Variants in CDKAL1 observed in about 807,000 individuals in gnomAD.
CDKAL1 encodes the protein CDKAL1 threonylcarbamoyladenosine tRNA methylthiotransferase, also known as threonylcarbamoyladenosine tRNA methylthiotransferase.
CDKAL1 carries 32 observed loss-of-function variants against 68.2 expected under a neutral mutation model. That is an observed-to-expected ratio of 0.47 (90% CI 0.35 to 0.63). The LOEUF (loss-of-function observed/expected upper bound fraction) is 0.63. Ranked by LOEUF, CDKAL1 falls within the 30% of genes least tolerant of loss-of-function variation. The pLI is 0.00. For synonymous variants in CDKAL1, 234 were observed against 244.3 expected (o/e 0.96, Z 0.39); for missense variants, 606 against 696.7 (o/e 0.87, Z 1.47).
chr6:20,546,529 CTT>C lies in CDKAL1; in HGVS notation c.173+11_173+12del, dbSNP rs779525956. On this transcript the variant is annotated splice_region_variant and intron_variant, in intron 3 of 15. Transcript: ENST00000274695. Reference sequence around the variant, plus strand: ...AACAGTCCACCAAGTGACAGGTAAGCTTTTTTCCTTGAAATTATATTCATTTT... The same window carrying C: ...AACAGTCCACCAAGTGACAGGTAAGCTTTTCCTTGAAATTATATTCATTTT... The C allele has an allele frequency of 6.2e-7, 1 of 1,608,268 alleles. No individual in the cohort carries two copies. The highest frequency in any genetic ancestry group is 1.7e-5 in the Admixed American group (1 of 58,628).
chr6:20,762,155 T>G (rs1361011484), intron 7 of CDKAL1, among the ~76,000 whole-genome samples: 1 of 152,182 alleles, frequency 6.6e-6, no homozygotes, highest in Non-Finnish European at 1.5e-5. Flanking sequence ...CCTGGAGAGA[T>G]AAAATTTCTA....
intron 7 of CDKAL1, among the ~76,000 whole-genome samples, chr6:20,773,672 C>T (rs979514077): frequency 3.9e-5 from 6 of 151,942 alleles, no homozygotes; most frequent in East Asian, 1.9e-4. Flanking sequence ...CTCAGCCTCC[C>T]GAGTAGCTGG....
chr6:21,226,460 A>G (rs998925949), intron 15 of CDKAL1, among the ~76,000 whole-genome samples: 2 of 152,214 alleles, frequency 1.3e-5, no homozygotes, highest in African/African-American at 4.8e-5. Flanking sequence ...TTACAAGGGA[A>G]GACAAACCCA....
At chr6:20,850,893 A>G (rs1170755350) in intron 9 of CDKAL1, among the ~76,000 whole-genome samples, 1 of 152,234 alleles carries the variant, frequency 6.6e-6, no homozygotes, top group Non-Finnish European at 1.5e-5. Flanking sequence ...CTGACTATGC[A>G]TTCAGATGTG....
At chr6:20,835,025 A>T (rs1777871724) in intron 8 of CDKAL1, among the ~76,000 whole-genome samples, 1 of 152,148 alleles carries the variant, frequency 6.6e-6, no homozygotes. Flanking sequence ...AAGAGTACGT[A>T]CTCTATGATT....
chr6:21,125,992 A>T (rs1582253210), intron 13 of CDKAL1, among the ~76,000 whole-genome samples: 1 of 152,238 alleles, frequency 6.6e-6, no homozygotes, highest in Admixed American at 6.5e-5. Flanking sequence ...TGGCTGACAC[A>T]TAACAGATGT....
At chr6:20,867,037 A>T (rs1339216148) in intron 9 of CDKAL1, among the ~76,000 whole-genome samples, 2 of 152,152 alleles carry the variant, frequency 1.3e-5, no homozygotes, top group Non-Finnish European at 2.9e-5. Context: ...GTTTTTAACT[A>T]TTTCTTCATA....
chr6:20,659,778 C>G (rs902089602), intron 5 of CDKAL1, among the ~76,000 whole-genome samples: 31 of 152,148 alleles, frequency 2.0e-4, no homozygotes, highest in South Asian at 2.1e-4. Context: ...CACCTTTTCT[C>G]TAGCTAGCAT....
At chr6:20,953,734 A>G (rs1306647176) in intron 9 of CDKAL1, among the ~76,000 whole-genome samples, 2 of 152,224 alleles carry the variant, frequency 1.3e-5, no homozygotes, top group Non-Finnish European at 2.9e-5. Flanking sequence ...AAAATAGCCT[A>G]TGGACATGCC....
intron 8 of CDKAL1, among the ~76,000 whole-genome samples, chr6:20,812,645 AT>A (rs1776871749): frequency 6.6e-6 from 1 of 151,658 alleles, no homozygotes; most frequent in South Asian, 2.1e-4. Context: ...ACGTTCCCCT[AT>A]TTTTCTGGTT....
chr6:20,649,259 A>T, intron 4 of CDKAL1, 34 bp from the exon 5 acceptor site: 1 of 1,396,834 alleles, frequency 7.2e-7, no homozygotes, highest in Non-Finnish European at 1.0e-6. Flanking sequence ...TAAGTGTGCT[A>T]CTTACTTCTT....
At chr6:20,694,184 A>ACAAG (rs1771009658) in intron 5 of CDKAL1, among the ~76,000 whole-genome samples, 2 of 151,962 alleles carry the variant, frequency 1.3e-5, no homozygotes, top group African/African-American at 2.4e-5. Flanking sequence ...AAACAAACAA[A>ACAAG]CAAACAAACA....
intron 13 of CDKAL1, among the ~76,000 whole-genome samples, chr6:21,125,483 A>G (rs1023152826): frequency 6.6e-6 from 1 of 151,518 alleles, no homozygotes; most frequent in African/African-American, 2.4e-5. Flanking sequence ...GACCAGCCTG[A>G]CCAACATGGA....
chr6:21,231,123 T>C lies in CDKAL1; in HGVS notation c.*84T>C. On this transcript the variant is annotated 3_prime_UTR_variant, in exon 16 of 16. Coordinates refer to ENST00000274695, the MANE Select transcript of CDKAL1 (RefSeq NM_017774.3). ...GAACAGGAAAGCGACATCTCCATTC[T>C]CCAAGGGCAATAATTTGTACTGGTC... 9.1e-7 allele frequency: 1 copy of C among 1,099,152 alleles called. No individual in the cohort carries two copies. Among genetic ancestry groups the C allele is most frequent in the Non-Finnish European group, 1.3e-6 (1 of 768,356 alleles). 68.1% of individuals were successfully genotyped at this position (1,099,152 alleles called of 1,614,324 possible). A position where few individuals can be genotyped will look rare whatever the true frequency, so the allele number is the denominator to read the frequency against.
chr6:20,870,127 G>T (rs865897521), intron 9 of CDKAL1, among the ~76,000 whole-genome samples: 1 of 152,034 alleles, frequency 6.6e-6, no homozygotes, highest in Non-Finnish European at 1.5e-5. Flanking sequence ...AAACCTATTC[G>T]CTTCTTCCAA....
intron 2 of CDKAL1, among the ~76,000 whole-genome samples, chr6:20,544,592 T>A (rs1763519842): frequency 1.3e-5 from 1 of 75,164 alleles, no homozygotes; most frequent in Non-Finnish European, 2.2e-5. Context: ...CGAAACTCCG[T>A]CTCAAAAAAA....
intron 11 of CDKAL1, among the ~76,000 whole-genome samples, chr6:21,013,227 C>T (rs1217721550): frequency 6.6e-6 from 1 of 152,110 alleles, no homozygotes; most frequent in Non-Finnish European, 1.5e-5. Context: ...ATCACAGGAC[C>T]CTCAGTCAAA....
chr6:21,183,425 A>G (rs1228410111), intron 13 of CDKAL1, among the ~76,000 whole-genome samples: 2 of 152,182 alleles, frequency 1.3e-5, no homozygotes, highest in Non-Finnish European at 2.9e-5. Flanking sequence ...TTTTTAGCAT[A>G]TTTAACAATA....
At chr6:21,203,691 CTTTTTTTTTTTTT>C (rs915087377) in intron 15 of CDKAL1, among the ~76,000 whole-genome samples, 3 of 94,132 alleles carry the variant, frequency 3.2e-5, no homozygotes, top group Non-Finnish European at 4.2e-5. Flanking sequence ...CACTTGACCT[CTTTTTTTTTTTTT>C]TTTTTTTTTT....
Sources: allele counts gnomAD v4.1 joint callset (sites outside exome capture counted in the v4.1 genomes callset), GRCh38; gene constraint gnomAD v4.1.1; transcripts MANE v1.5; gene names NCBI Gene and HGNC (gene_info 2026-07-23, HGNC 2026-07-21).